Variants in GARNL3 observed in about 807,000 individuals in gnomAD.
GARNL3 encodes the protein GTPase activating Rap/RanGAP domain like 3, also known as GTPase-activating Rap/Ran-GAP domain-like protein 3.
GARNL3 carries 63 observed loss-of-function variants against 125.0 expected under a neutral mutation model. The observed-to-expected ratio is 0.50, with a 90% CI of 0.41 to 0.62. GARNL3 has a LOEUF of 0.62. Among genes scored for constraint, GARNL3 ranks in the 20% least tolerant of loss-of-function variants. The pLI is 0.00. For missense variants in GARNL3, 994 were observed against 1,244.0 expected, an observed-to-expected ratio of 0.80 and a Z score of 3.02; for synonymous variants, 439 against 457.5, an observed-to-expected ratio of 0.96 and a Z score of 0.52.
chr9:127,250,007 GA>G (rs910427556), intron 2 of GARNL3, among the ~76,000 whole-genome samples: 2 of 151,662 alleles, frequency 1.3e-5, no homozygotes, highest in Non-Finnish European at 2.9e-5. Flanking sequence ...AACTCCGTGT[GA>G]AAAAAAAGAA....
At chr9:127,282,550 A>G (rs1422472610) in intron 1 of GARNL3, among the ~76,000 whole-genome samples, 1 of 152,190 alleles carries the variant, frequency 6.6e-6, no homozygotes, top group African/African-American at 2.4e-5. Flanking sequence ...TGGAAGTGAG[A>G]TTTGAACCTG....
chr9:127,383,142 G>A (rs561571199), intron 22 of GARNL3, among the ~76,000 whole-genome samples: 1 of 152,286 alleles, frequency 6.6e-6, no homozygotes, highest in South Asian at 2.1e-4. Flanking sequence ...GTGTAATAAT[G>A]GTATCTACTT....
chr9:127,364,795 T>G lies in GARNL3; in HGVS notation c.2095-505T>G, dbSNP rs1831197868. Reference sequence around the variant, plus strand: ...GCTGGAGGTACGAGAGCGGTAAGGTTGAAAGAGAACCAGAACATTAGTTCA... The same window carrying G: ...GCTGGAGGTACGAGAGCGGTAAGGTGGAAAGAGAACCAGAACATTAGTTCA... On this transcript the variant is annotated intron_variant, in intron 21 of 27. Coordinates refer to ENST00000373387, the MANE Select transcript of GARNL3 (RefSeq NM_032293.5). This position sits in a 1 kb window ranked among gnomAD's most constrained non-coding sequence, Gnocchi z 4.2. 6.5e-6 allele frequency: 1 copy of G among 154,196 alleles called. No individual in the cohort carries two copies. The highest frequency in any genetic ancestry group is 2.0e-4 in the South Asian group (1 of 4,940). 9.6% of individuals were successfully genotyped at this position (154,196 alleles called of 1,614,324 possible). A position where few individuals can be genotyped will look rare whatever the true frequency, so the allele number is the denominator to read the frequency against.
chr9:127,273,392 T>A (rs570596276), intron 1 of GARNL3, among the ~76,000 whole-genome samples: 82 of 152,402 alleles, frequency 5.4e-4, no homozygotes, highest in African/African-American at 1.9e-3. Flanking sequence ...AAAGTAGCTC[T>A]GCTTTAGGTT....
chr9:127,268,186 A>T (rs1192410465), intron 1 of GARNL3, among the ~76,000 whole-genome samples: 1 of 152,232 alleles, frequency 6.6e-6, no homozygotes, highest in Admixed American at 6.5e-5. Context: ...TTTAGAAACT[A>T]GCAGCCTCAC....
chr9:127,290,296 A>G (rs2064375929), intron 1 of GARNL3, among the ~76,000 whole-genome samples: 2 of 152,094 alleles, frequency 1.3e-5, no homozygotes, highest in African/African-American at 2.4e-5. Flanking sequence ...TTTTCTATTA[A>G]TTTTTATACC....
At position 127,335,428 on chromosome 9, in the gene GARNL3, A is replaced by G. The variant is rs148061449; in HGVS notation, c.873+95A>G. 1.4e-4 allele frequency: 142 copies of G among 1,018,418 alleles called. No homozygotes were observed. In the East Asian group the frequency reaches 3.0e-3, roughly 21 times the overall value. 63.1% of individuals were successfully genotyped at this position (1,018,418 alleles called of 1,614,324 possible). A position where few individuals can be genotyped will look rare whatever the true frequency, so the allele number is the denominator to read the frequency against. On this transcript the variant is annotated intron_variant, in intron 10 of 27. Transcript: ENST00000373387. ...AATTAGGGGCTATGCCGGTTAACAT[A>G]TGAGCTGAGCTGTGGCCACCAATTT... is the stretch of plus-strand genomic sequence containing the variant.
chr9:127,232,444 A>T (rs2063035384), intron 1 of GARNL3, among the ~76,000 whole-genome samples: 1 of 152,080 alleles, frequency 6.6e-6, no homozygotes, highest in Non-Finnish European at 1.5e-5. Context: ...AGTAGCTAGG[A>T]CTACAGGTAT....
chr9:127,276,127 T>C (rs952100178), intron 1 of GARNL3, among the ~76,000 whole-genome samples: 2 of 146,510 alleles, frequency 1.4e-5, no homozygotes, highest in Non-Finnish European at 2.9e-5. Context: ...TCCTCAACTC[T>C]GCCTTTTTTT....
At chr9:127,272,845 C>T (rs2063857574) in intron 1 of GARNL3, among the ~76,000 whole-genome samples, 2 of 152,110 alleles carry the variant, frequency 1.3e-5, no homozygotes, top group African/African-American at 4.8e-5. Flanking sequence ...TTTACTGCCT[C>T]TGTTGGTGAT....
At chr9:127,369,415 A>G (rs963900547) in intron 22 of GARNL3, among the ~76,000 whole-genome samples, 1 of 152,228 alleles carries the variant, frequency 6.6e-6, no homozygotes, top group Non-Finnish European at 1.5e-5. Context: ...TTTCATTAGC[A>G]TATAAATGAT....
intron 1 of GARNL3, among the ~76,000 whole-genome samples, chr9:127,227,790 C>G (rs1044283243): frequency 2.0e-5 from 3 of 151,854 alleles, no homozygotes; most frequent in African/African-American, 7.3e-5. Context: ...CATGGTGGCA[C>G]ATGCCTGTAG....
chr9:127,326,876 C>T (rs1276676151), intron 7 of GARNL3, among the ~76,000 whole-genome samples: 2 of 152,090 alleles, frequency 1.3e-5, no homozygotes, highest in Admixed American at 6.5e-5. Flanking sequence ...GAATATGCCC[C>T]GCCCCAGACA....
chr9:127,289,931 G>C (rs550385949), intron 1 of GARNL3, among the ~76,000 whole-genome samples: 1 of 152,110 alleles, frequency 6.6e-6, no homozygotes, highest in Non-Finnish European at 1.5e-5. Context: ...ACCTAATCAC[G>C]GACATTCTCT....
In GARNL3 at chr9:127,291,184, C is replaced by T. The variant is rs1201835920; in HGVS notation, c.161C>T (p.Ala54Val). 1.2e-6 allele frequency: 2 copies of T among 1,613,974 alleles called. No homozygotes were observed. The highest frequency in any genetic ancestry group is 2.7e-5 in the African/African-American group (2 of 74,896). Residue 54 changes from alanine to valine, a missense_variant, in exon 2 of 28, where the codon GCT (alanine) becomes GTT (valine). Coordinates refer to ENST00000373387, the MANE Select transcript of GARNL3 (RefSeq NM_032293.5). ...CCCCCCTAGCTTATTTCCAGTGATG[C>T]TGATGGAGCCATCCAAAGGGCTGGA... ...GSVELLISSD[A>V]DGAIQRAGRF...
intron 22 of GARNL3, among the ~76,000 whole-genome samples, chr9:127,370,166 G>A (rs553239990): frequency 6.6e-6 from 1 of 152,318 alleles, no homozygotes. Flanking sequence ...CCCTAAGCCC[G>A]ATGGGCCAGG....
In GARNL3 at chr9:127,339,693, G is replaced by A; in HGVS notation, c.1077G>A (p.Leu359=). The change falls in exon 13 of 28, where the codon TTG becomes TTA. Residue 359 remains leucine (L), a synonymous_variant. Coordinates refer to ENST00000373387, the MANE Select transcript of GARNL3 (RefSeq NM_032293.5). Reference sequence around the variant, plus strand: ...GCGTACCACTCTTTGGCCCTCCCTTGCCAACTCCACCAGTGTTTACAGACC... The same window carrying A: ...GCGTACCACTCTTTGGCCCTCCCTTACCAACTCCACCAGTGTTTACAGACC... ...EESVPLFGPP[L]PTPPVFTDHQ... is the part of the protein sequence containing the mutation. The A allele has an allele frequency of 1.2e-6, 2 of 1,613,840 alleles. No homozygotes were observed. Among genetic ancestry groups the A allele is most frequent in the Non-Finnish European group, 1.7e-6 (2 of 1,179,734 alleles).
At chr9:127,348,814 G>A (rs1403456907) in intron 16 of GARNL3, 110 bp from the exon 17 acceptor site, 37 of 667,050 alleles carry the variant, frequency 5.5e-5, no homozygotes, top group East Asian at 4.1e-4. Context: ...CCGCTCCCAC[G>A]GGGGTATCTG....
intron 1 of GARNL3, among the ~76,000 whole-genome samples, chr9:127,227,817 G>A (rs1272931807): frequency 3.3e-5 from 5 of 151,920 alleles, no homozygotes; most frequent in African/African-American, 4.8e-5. Flanking sequence ...CTACTCCAGA[G>A]GCTGAGTCAG....
Sources: allele counts gnomAD v4.1 joint callset (sites outside exome capture counted in the v4.1 genomes callset), GRCh38; gene constraint gnomAD v4.1.1; non-coding constraint Gnocchi (gnomAD v3.1); transcripts MANE v1.5; gene names NCBI Gene and HGNC (gene_info 2026-07-23, HGNC 2026-07-21).